Variants in ENDOV observed in about 807,000 individuals in gnomAD.
ENDOV encodes the protein hEndoV.
In ENDOV, 37 loss-of-function variants were observed where a neutral mutation model predicts 39.4. The observed-to-expected ratio is 0.94, with a 90% CI of 0.72 to 1.23. The LOEUF (loss-of-function observed/expected upper bound fraction) is 1.23, where lower values mean the gene tolerates loss of function less well. ENDOV is among the 50% of genes most tolerant of loss of function. ENDOV has a pLI of 0.00. For synonymous variants in ENDOV, 186 were observed against 163.4 expected (o/e 1.14, Z -1.05); for missense variants, 441 against 375.7 (o/e 1.17, Z -1.44).
chr17:80,435,702 C>T (rs1466588290), intron 9 of ENDOV, among the ~76,000 whole-genome samples: 2 of 152,080 alleles, frequency 1.3e-5, no homozygotes, highest in African/African-American at 2.4e-5. Context: ...GCAAGCTCCG[C>T]CTCCCGGGTT....
chr17:80,432,391 CCT>C (rs923520659), intron 9 of ENDOV, among the ~76,000 whole-genome samples: 15 of 152,152 alleles, frequency 9.9e-5, no homozygotes, highest in African/African-American at 3.4e-4. Flanking sequence ...CCTGTGGAGT[CCT>C]GTCTGGATGG....
chr17:80,436,050 TG>T, intron 9 of ENDOV, 82 bp from the exon 10 acceptor site: 1 of 1,496,240 alleles, frequency 6.7e-7, no homozygotes, highest in Non-Finnish European at 9.2e-7. Flanking sequence ...CCACTGCACC[TG>T]GCCCATTTCC....
intron 2 of ENDOV, chr17:80,417,036 G>C (rs4275910): frequency 0.56 from 85,632 of 152,030 alleles, 24,836 homozygotes; most frequent in Middle Eastern, 0.65. Flanking sequence ...ATTACAGGTG[G>C]GAACCACCAC....
intron 7 of ENDOV, among the ~76,000 whole-genome samples, chr17:80,426,810 G>T (rs748692763): frequency 6.6e-6 from 1 of 152,216 alleles, no homozygotes; most frequent in Non-Finnish European, 1.5e-5. Flanking sequence ...GCAGCGGGGC[G>T]CCCGCAGATT....
At chr17:80,421,989 GAA>G in intron 3 of ENDOV, 27 bp downstream of exon 3, 1 of 1,604,284 alleles carries the variant, frequency 6.2e-7, no homozygotes, top group Non-Finnish European at 8.5e-7. Flanking sequence ...TAGGACGAGA[GAA>G]AGGTCCCTCC....
chr17:80,419,387 G>C, intron 2 of ENDOV: 1 of 562,878 alleles, frequency 1.8e-6, no homozygotes, highest in Non-Finnish European at 3.2e-6. Context: ...TTCTGTGCCA[G>C]ATGCTGAGCC....
At chr17:80,428,785 G>C (rs552637852) in intron 8 of ENDOV, 125 bp downstream of exon 8, 1 of 887,444 alleles carries the variant, frequency 1.1e-6, no homozygotes, top group South Asian at 1.6e-5. Context: ...GCAGGGCCAG[G>C]GAAGGCAGGG....
intron 2 of ENDOV, chr17:80,419,341 G>C (rs536136299): frequency 5.9e-6 from 3 of 510,662 alleles, no homozygotes; most frequent in East Asian, 6.2e-5. Context: ...GAAGAACACT[G>C]TCCTTAGCAT....
Position 80,436,709 on chromosome 17 carries a change from G to T in ENDOV, c.*566G>T. 1 of 171,712 alleles carries T rather than the reference G, an allele frequency of 5.8e-6. No homozygotes were observed. Among genetic ancestry groups the T allele is most frequent in the Non-Finnish European group, 1.2e-5 (1 of 80,894 alleles). 10.6% of individuals were successfully genotyped at this position (171,712 alleles called of 1,614,324 possible). ...TACATCTGTATTTATAAGGGATATTGGTCTGGTGTTTTCTTATGATGTCTT... is the reference window on the plus strand; with the variant it reads ...TACATCTGTATTTATAAGGGATATTTGTCTGGTGTTTTCTTATGATGTCTT... On this transcript the variant is annotated 3_prime_UTR_variant, in exon 10 of 10. Transcript: ENST00000518137.
At position 80,436,421 on chromosome 17, in the gene ENDOV, C is replaced by T; in HGVS notation, c.*278C>T. 1 of 1,326,814 alleles carries T rather than the reference C, an allele frequency of 7.5e-7. No homozygotes were observed. The highest frequency in any genetic ancestry group is 9.9e-7 in the Non-Finnish European group (1 of 1,009,188). The allele number at this position is 1,326,814 out of a possible 1,614,324, so 82.2% of individuals were successfully genotyped here. A position where few individuals can be genotyped will look rare whatever the true frequency, so the allele number is the denominator to read the frequency against. On this transcript the variant is annotated 3_prime_UTR_variant, in exon 10 of 10. Transcript: ENST00000518137. ...GTGAGCTGTTAGATTTTCAAGGATG[C>T]TCTTCATCCAGCTGAAGACGGTCCC...
chr17:80,421,535 G>A (rs1228093877), intron 2 of ENDOV, among the ~76,000 whole-genome samples: 1 of 144,070 alleles, frequency 6.9e-6, no homozygotes, highest in South Asian at 2.3e-4. Flanking sequence ...GGCGGGGTGG[G>A]GGTGCTGTTG....
At chr17:80,428,167 G>A (rs1237165974) in intron 7 of ENDOV, among the ~76,000 whole-genome samples, 1 of 152,222 alleles carries the variant, frequency 6.6e-6, no homozygotes, top group Non-Finnish European at 1.5e-5. Context: ...GTCAGGGAGA[G>A]GACAGACCAG....
Position 80,422,227 on chromosome 17 carries a change from G to T in ENDOV, c.385G>T (p.Gly129Trp). ...ATAGGTCCTTCTTGTGGATGGAAACGGGGTACTCCACCACCGAGGTAATCC... is the reference window on the plus strand; with the variant it reads ...ATAGGTCCTTCTTGTGGATGGAAACTGGGTACTCCACCACCGAGGTAATCC... ...MPQVLLVDGN[G>W]VLHHRGFGVA... Residue 129 changes from glycine (G) to tryptophan (W), a missense_variant, in exon 4 of 10, where the codon GGG becomes TGG. Physicochemically the swap from Gly to Trp is radical, Grantham distance 184. Coordinates refer to ENST00000518137, the MANE Select transcript of ENDOV (RefSeq NM_173627.5). 6.2e-7 allele frequency: 1 copy of T among 1,613,642 alleles called. No individual in the cohort carries two copies. Among genetic ancestry groups the T allele is most frequent in the Non-Finnish European group, 8.5e-7 (1 of 1,179,818 alleles).
At chr17:80,420,955 C>T (rs922287239) in intron 2 of ENDOV, among the ~76,000 whole-genome samples, 2 of 152,198 alleles carry the variant, frequency 1.3e-5, no homozygotes, top group Non-Finnish European at 2.9e-5. Context: ...GGATTACAGG[C>T]GTGAGCCACC....
chr17:80,428,070 A>G (rs1479881838), intron 7 of ENDOV, among the ~76,000 whole-genome samples: 1 of 152,166 alleles, frequency 6.6e-6, no homozygotes, highest in Non-Finnish European at 1.5e-5. Flanking sequence ...CCTCCCTGCT[A>G]GGGTCTGCCC....
chr17:80,415,625 A>T, intron 1 of ENDOV, 25 bp from the exon 2 acceptor site: 1 of 1,607,874 alleles, frequency 6.2e-7, no homozygotes, highest in South Asian at 1.1e-5. Context: ...GACCCCGACC[A>T]AGTTTGACGC....
At chr17:80,415,301 C>G (rs983078039) in intron 1 of ENDOV, 51 bp downstream of exon 1, 1 of 1,595,018 alleles carries the variant, frequency 6.3e-7, no homozygotes, top group Non-Finnish European at 8.6e-7. Context: ...CCGGGCGGCC[C>G]TTCGCGGACC....
chr17:80,434,486 G>A (rs1311149649), intron 9 of ENDOV, among the ~76,000 whole-genome samples: 1 of 152,182 alleles, frequency 6.6e-6, no homozygotes, highest in Non-Finnish European at 1.5e-5. Context: ...GGGTCATGTG[G>A]TGACCCTGTG....
At chr17:80,424,881 G>T (rs2082490356) in intron 5 of ENDOV, 151 bp from the exon 6 acceptor site, 1 of 636,328 alleles carries the variant, frequency 1.6e-6, no homozygotes, top group African/African-American at 1.8e-5. Context: ...CTTGAACACG[G>T]GAGGCAGAGG....
Sources: allele counts gnomAD v4.1 joint callset (sites outside exome capture counted in the v4.1 genomes callset), GRCh38; gene constraint gnomAD v4.1.1; transcripts MANE v1.5; gene names NCBI Gene and HGNC (gene_info 2026-07-23, HGNC 2026-07-21).